MYLK: variants seen among roughly 807,000 people sequenced by gnomAD.
MYLK encodes the protein myosin light chain kinase, smooth muscle.
A neutral mutation model predicts 203.4 loss-of-function variants in MYLK; 106 were observed. The observed-to-expected ratio is 0.52, with a 90% CI of 0.45 to 0.61. The LOEUF (loss-of-function observed/expected upper bound fraction) is 0.61, where lower values mean the gene tolerates loss of function less well. Ranked by LOEUF, MYLK falls within the 20% of genes least tolerant of loss-of-function variation. The probability of loss-of-function intolerance (pLI) is 0.00; values close to 1 mark genes in which losing one functional copy is unlikely to be tolerated. For synonymous variants in MYLK, 867 were observed against 959.5 expected (o/e 0.90, Z 1.78); for missense variants, 2,072 against 2,442.3 (o/e 0.85, Z 3.20).
At chr3:123,876,464 G>A (rs2033158273) in intron 2 of MYLK, 95 bp downstream of exon 2, 1 of 152,116 alleles carries the variant, frequency 6.6e-6, no homozygotes, top group Non-Finnish European at 1.5e-5. Context: ...GAAAGGAAGT[G>A]CTTTTTCCTG....
chr3:123,652,032 C>T (rs1047048351), intron 24 of MYLK, among the ~76,000 whole-genome samples: 2 of 152,162 alleles, frequency 1.3e-5, no homozygotes, highest in African/African-American at 2.4e-5. Flanking sequence ...GGAATGCTTG[C>T]GTCTAGGAGT....
At chr3:123,704,735 C>T (rs1218792694) in intron 16 of MYLK, among the ~76,000 whole-genome samples, 15 of 123,056 alleles carry the variant, frequency 1.2e-4, no homozygotes, top group Admixed American at 1.8e-4. Context: ...AACCCCGTCT[C>T]TACTAAAAAT....
intron 18 of MYLK, among the ~76,000 whole-genome samples, chr3:123,695,453 A>G (rs990101765): frequency 7.2e-5 from 11 of 152,256 alleles, no homozygotes. Flanking sequence ...TCTGAGAAGG[A>G]TGAAGGCATA....
intron 2 of MYLK, among the ~76,000 whole-genome samples, chr3:123,846,874 T>G (rs995390937): frequency 6.6e-6 from 1 of 152,134 alleles, no homozygotes; most frequent in Non-Finnish European, 1.5e-5. Flanking sequence ...ATATTATGGC[T>G]TTTGTTACTG....
At chr3:123,690,010 T>G (rs924619027) in intron 19 of MYLK, among the ~76,000 whole-genome samples, 5 of 152,204 alleles carry the variant, frequency 3.3e-5, no homozygotes, top group African/African-American at 4.8e-5. Flanking sequence ...GAAAGATATG[T>G]TGGCCTCAGA....
At chr3:123,858,987 A>T (rs1354560885) in intron 2 of MYLK, among the ~76,000 whole-genome samples, 1 of 152,216 alleles carries the variant, frequency 6.6e-6, no homozygotes, top group Non-Finnish European at 1.5e-5. Flanking sequence ...TTGAAACACT[A>T]AATTTACATA....
intron 2 of MYLK, among the ~76,000 whole-genome samples, chr3:123,861,108 C>T (rs146249703): frequency 0.094 from 13,632 of 145,142 alleles, 1,524 homozygotes; most frequent in East Asian, 0.45. Context: ...CTAGCCTGGG[C>T]GATAGAGCGA....
chr3:123,770,528 T>C (rs953626650), intron 4 of MYLK, among the ~76,000 whole-genome samples: 7 of 152,210 alleles, frequency 4.6e-5, no homozygotes, highest in African/African-American at 1.2e-4. Flanking sequence ...GCAGTCCCAT[T>C]CCACATGGGC....
chr3:123,734,016 T>G lies in MYLK; in HGVS notation c.980A>C (p.Asp327Ala). ...GGTCTGCGGGGCCGTTCTGGGCGAG[T>G]CCTTGCATGACTCCAGCTTGGACTC... ...PRESKLESCK[D>A]SPRTAPQTPV... Residue 327 changes from aspartate to alanine, a missense_variant, in exon 10 of 34, where the codon GAC becomes GCC. Coordinates refer to ENST00000360304, the MANE Select transcript of MYLK (RefSeq NM_053025.4). The G allele has an allele frequency of 6.2e-7, 1 of 1,613,988 alleles. No homozygotes were observed. The highest frequency in any genetic ancestry group is 8.5e-7 in the Non-Finnish European group (1 of 1,180,012).
intron 13 of MYLK, among the ~76,000 whole-genome samples, chr3:123,713,687 C>T (rs1303250869): frequency 2.0e-5 from 3 of 151,840 alleles, no homozygotes; most frequent in Non-Finnish European, 4.4e-5. Flanking sequence ...GGCCTCTAGC[C>T]TCTATCAGTT....
chr3:123,870,382 C>T (rs970045646), intron 2 of MYLK, among the ~76,000 whole-genome samples: 7 of 152,202 alleles, frequency 4.6e-5, no homozygotes, highest in Admixed American at 1.3e-4. Flanking sequence ...CAGCAGAGTA[C>T]CACTGAAGGG....
At chr3:123,751,210 C>A (rs1167640357) in intron 5 of MYLK, among the ~76,000 whole-genome samples, 2 of 152,190 alleles carry the variant, frequency 1.3e-5, no homozygotes, top group Non-Finnish European at 2.9e-5. Flanking sequence ...GGCTGACAGA[C>A]CCCATGTCCT....
At chr3:123,738,161 A>G (rs536930341) in intron 7 of MYLK, among the ~76,000 whole-genome samples, 36 of 152,238 alleles carry the variant, frequency 2.4e-4, no homozygotes, top group African/African-American at 8.4e-4. Context: ...CTCACCGATA[A>G]GGAAACCAGG....
intron 3 of MYLK, 162 bp downstream of exon 3, chr3:123,831,386 T>A: frequency 7.8e-7 from 1 of 1,289,540 alleles, no homozygotes; most frequent in Non-Finnish European, 1.0e-6. Context: ...CATACTGCCT[T>A]CACTCTTACC....
chr3:123,729,152 C>A (rs1269303046), intron 11 of MYLK, among the ~76,000 whole-genome samples: 1 of 152,086 alleles, frequency 6.6e-6, no homozygotes, highest in Admixed American at 6.5e-5. Context: ...TGACTTGGAG[C>A]TTTGGTGCAA....
At chr3:123,747,909 C>T (rs1324108316) in intron 5 of MYLK, among the ~76,000 whole-genome samples, 7 of 152,172 alleles carry the variant, frequency 4.6e-5, no homozygotes, top group Non-Finnish European at 7.3e-5. Context: ...GCACACCCAC[C>T]GTTTGGGCAC....
At chr3:123,705,967 C>G (rs936353799) in intron 16 of MYLK, among the ~76,000 whole-genome samples, 4 of 152,112 alleles carry the variant, frequency 2.6e-5, no homozygotes, top group Admixed American at 2.6e-4. Context: ...AGGGGGTAAG[C>G]GTGTACCTTC....
At chr3:123,859,681 G>A (rs1032613631) in intron 2 of MYLK, among the ~76,000 whole-genome samples, 4 of 152,114 alleles carry the variant, frequency 2.6e-5, no homozygotes, top group Non-Finnish European at 4.4e-5. Flanking sequence ...AAGACAAATC[G>A]TTTAATAGAA....
At chr3:123,757,623 G>C (rs1052515756) in intron 4 of MYLK, among the ~76,000 whole-genome samples, 4 of 152,202 alleles carry the variant, frequency 2.6e-5, no homozygotes, top group Admixed American at 1.3e-4. Context: ...GCACCAAGAA[G>C]ATATGAGCAG....
Sources: gnomAD v4.1 joint callset for allele counts (sites outside exome capture counted in the v4.1 genomes callset) on GRCh38, gnomAD v4.1.1 for gene constraint, MANE v1.5 for transcripts, NCBI Gene and HGNC (gene_info 2026-07-23, HGNC 2026-07-21) for gene names.